Variants in DNER observed in about 807,000 individuals in gnomAD.
DNER encodes the protein delta and Notch-like epidermal growth factor-related receptor.
A neutral mutation model predicts 78.2 loss-of-function variants in DNER; 33 were observed. The observed-to-expected ratio is 0.42, with a 90% CI of 0.32 to 0.56. DNER has a LOEUF of 0.56. Ranked by LOEUF, DNER falls within the 20% of genes least tolerant of loss-of-function variation. The pLI is 0.11. For missense variants in DNER, 918 were observed against 975.3 expected, an observed-to-expected ratio of 0.94 and a Z score of 0.78; for synonymous variants, 417 against 384.8, an observed-to-expected ratio of 1.08 and a Z score of -0.98.
At chr2:229,701,266 A>G (rs1388410895) in intron 1 of DNER, among the ~76,000 whole-genome samples, 1 of 152,264 alleles carries the variant, frequency 6.6e-6, no homozygotes, top group African/African-American at 2.4e-5. Flanking sequence ...GCAAGTTAGC[A>G]AAATTTACCT....
rs76442573 is a variant in DNER at position 229,525,067 on chromosome 2, C to T, written c.994-12131G>A. Among the ~76,000 whole-genome samples, 1,236 of 152,326 alleles carry T rather than the reference C, an allele frequency of 8.1e-3. 7 individuals carry two copies. Among genetic ancestry groups the T allele is most frequent in the Non-Finnish European group, 0.012 (847 of 68,026 alleles). On this transcript the variant is annotated intron_variant, in intron 5 of 12. Coordinates refer to ENST00000341772, the MANE Select transcript of DNER (RefSeq NM_139072.4). ...TTCCTCCATCCTTGTTTCCCTCTCT[C>T]TCCTCATTCCCATGGGGCTCTTTCA...
intron 4 of DNER, among the ~76,000 whole-genome samples, chr2:229,570,785 G>A (rs1008597467): frequency 2.0e-5 from 3 of 152,132 alleles, no homozygotes; most frequent in South Asian, 2.1e-4. Context: ...GGCAAAGCAG[G>A]TGGGGGAGGG....
chr2:229,480,709 CTAATATATTAA>C (rs1371605389), intron 6 of DNER, among the ~76,000 whole-genome samples: 2 of 152,120 alleles, frequency 1.3e-5, no homozygotes. Context: ...TTGAGATGGC[CTAATATATTAA>C]TAACAGAGTT....
intron 6 of DNER, among the ~76,000 whole-genome samples, chr2:229,502,126 G>A (rs918564971): frequency 6.6e-6 from 1 of 152,178 alleles, no homozygotes; most frequent in African/African-American, 2.4e-5. Flanking sequence ...ATATACTCAG[G>A]CAAGAGGGCA....
intron 11 of DNER, among the ~76,000 whole-genome samples, chr2:229,376,964 A>G (rs1237437896): frequency 6.6e-6 from 1 of 152,146 alleles, no homozygotes; most frequent in Non-Finnish European, 1.5e-5. Flanking sequence ...ATTAAATTCC[A>G]TCTATTGTTA....
In DNER at chr2:229,442,757, A is replaced by G. The variant is rs1246098553; in HGVS notation, c.1486+4559T>C. On this transcript the variant is annotated intron_variant, in intron 8 of 12. Transcript: ENST00000341772. ...TCCAGCAAATATTATCGGACTACTG[A>G]TATTTTCAGGTCTGAGTTTAACAGA... 2.6e-5 allele frequency among the ~76,000 whole-genome samples: 4 copies of G among 152,252 alleles called. No homozygotes were observed. The East Asian group carries it at 5.8e-4, about 22-fold the overall frequency.
At chr2:229,684,161 AGAGAGAGAGT>A (rs1327617636) in intron 1 of DNER, among the ~76,000 whole-genome samples, 79 of 135,328 alleles carry the variant, frequency 5.8e-4, no homozygotes, top group African/African-American at 2.0e-3. Flanking sequence ...AGAGAGAGAG[AGAGAGAGAGT>A]GTGTGTGTGT....
At chr2:229,633,839 T>C (rs1698481237) in intron 1 of DNER, among the ~76,000 whole-genome samples, 1 of 152,222 alleles carries the variant, frequency 6.6e-6, no homozygotes, top group Non-Finnish European at 1.5e-5. Flanking sequence ...GAGCAGCGTC[T>C]CTGGGCAAGG....
chr2:229,709,188 C>T (rs554069713), intron 1 of DNER, among the ~76,000 whole-genome samples: 1 of 152,066 alleles, frequency 6.6e-6, no homozygotes, highest in Admixed American at 6.5e-5. Flanking sequence ...ATTTTTGCAA[C>T]GTGTTACCTT....
At chr2:229,649,932 G>A (rs771351836) in intron 1 of DNER, among the ~76,000 whole-genome samples, 5 of 151,904 alleles carry the variant, frequency 3.3e-5, no homozygotes, top group Admixed American at 3.3e-4. Context: ...AAAATTAGCC[G>A]GGCGTGGTGG....
intron 4 of DNER, among the ~76,000 whole-genome samples, chr2:229,568,108 A>AG (rs201523390): frequency 0.022 from 3,377 of 152,342 alleles, 138 homozygotes; most frequent in African/African-American, 0.076. Flanking sequence ...AAGAAAGAAA[A>AG]AATCATCAAG....
intron 7 of DNER, among the ~76,000 whole-genome samples, chr2:229,473,550 G>A (rs1694969580): frequency 6.6e-6 from 1 of 152,168 alleles, no homozygotes. Flanking sequence ...ATTGTTGTGA[G>A]AGTCAAATTA....
intron 5 of DNER, among the ~76,000 whole-genome samples, chr2:229,520,897 A>C (rs1696081921): frequency 6.6e-6 from 1 of 152,182 alleles, no homozygotes; most frequent in Non-Finnish European, 1.5e-5. Flanking sequence ...CATAAATCAC[A>C]TAATAGAGCA....
chr2:229,491,153 C>T (rs1225784801), intron 6 of DNER, among the ~76,000 whole-genome samples: 1 of 152,208 alleles, frequency 6.6e-6, no homozygotes, highest in African/African-American at 2.4e-5. Context: ...TTCTCTCGGG[C>T]ACTGTGCTCC....
intron 1 of DNER, among the ~76,000 whole-genome samples, chr2:229,679,614 C>T (rs946880795): frequency 5.3e-5 from 8 of 152,122 alleles, no homozygotes; most frequent in South Asian, 2.1e-4. Context: ...AGTACCTTAT[C>T]GTTCTGTAGC....
chr2:229,690,427 G>A (rs140127982), intron 1 of DNER, among the ~76,000 whole-genome samples: 10 of 152,118 alleles, frequency 6.6e-5, no homozygotes, highest in Non-Finnish European at 1.2e-4. Context: ...ATGTTTTCCC[G>A]TCTAGTTAGT....
At chr2:229,685,383 A>ACTCATAC (rs1553552388) in intron 1 of DNER, among the ~76,000 whole-genome samples, 1 of 152,252 alleles carries the variant, frequency 6.6e-6, no homozygotes, top group Admixed American at 6.5e-5. Flanking sequence ...ACTAATTTGA[A>ACTCATAC]TAAAAATATG....
At chr2:229,479,306 A>C (rs769027286) in intron 6 of DNER, among the ~76,000 whole-genome samples, 75 of 152,340 alleles carry the variant, frequency 4.9e-4, no homozygotes, top group Non-Finnish European at 1.0e-3. Context: ...GGTTACACTT[A>C]AGGCACTATG....
chr2:229,613,786 A>G (rs1159642776), intron 1 of DNER, among the ~76,000 whole-genome samples: 1 of 152,178 alleles, frequency 6.6e-6, no homozygotes, highest in Non-Finnish European at 1.5e-5. Flanking sequence ...GGTGAATCTT[A>G]GCATACATTC....
Sources: gnomAD v4.1 joint callset for allele counts (sites outside exome capture counted in the v4.1 genomes callset) on GRCh38, gnomAD v4.1.1 for gene constraint, MANE v1.5 for transcripts, NCBI Gene and HGNC (gene_info 2026-07-23, HGNC 2026-07-21) for gene names.